The following SORBS2 variants were observed in gnomAD, a reference collection of about 807,000 sequenced individuals.
The protein encoded by SORBS2 is sorbin and SH3 domain-containing protein 2.
In SORBS2, 46 loss-of-function variants were observed where a neutral mutation model predicts 97.7. That is an observed-to-expected ratio of 0.47 (90% confidence interval 0.37 to 0.60). The LOEUF (loss-of-function observed/expected upper bound fraction) is 0.60. SORBS2 is among the 20% of genes least tolerant of loss of function. The pLI, the probability that SORBS2 is intolerant of heterozygous loss-of-function variation, is 0.00. For synonymous variants in SORBS2, 476 were observed against 473.4 expected (o/e 1.01, Z -0.07); for missense variants, 1,316 against 1,282.3 (o/e 1.03, Z -0.40).
At chr4:185,853,014 G>A (rs1442232530) in intron 1 of SORBS2, among the ~76,000 whole-genome samples, 2 of 152,154 alleles carry the variant, frequency 1.3e-5, no homozygotes. Context: ...AGTGATGGGA[G>A]TGGGTTAGTG....
chr4:185,657,368 T>C (rs566482554), upstream of SORBS2: 34 of 1,435,496 alleles, frequency 2.4e-5, no homozygotes, highest in South Asian at 5.4e-4. Flanking sequence ...GGACAATCCG[T>C]CCTTTGTGGA....
chr4:185,611,386 T>G (rs866394312), intron 12 of SORBS2, among the ~76,000 whole-genome samples: 3 of 151,462 alleles, frequency 2.0e-5, no homozygotes, highest in African/African-American at 7.3e-5. Context: ...TGATTATATT[T>G]ATTTATATGT....
chr4:185,618,021 C>G (rs1310318969), intron 9 of SORBS2, among the ~76,000 whole-genome samples: 3 of 152,192 alleles, frequency 2.0e-5, no homozygotes. Context: ...GTTGCCCAGG[C>G]TAGAGTGCAG....
chr4:185,730,227 C>A (rs2098605073), intron 2 of SORBS2, among the ~76,000 whole-genome samples: 1 of 151,230 alleles, frequency 6.6e-6, no homozygotes, highest in Admixed American at 6.6e-5. Flanking sequence ...GAAAAATATT[C>A]TCCAAACAAT....
At chr4:185,915,146 A>G (rs187724643) in intron 1 of SORBS2, among the ~76,000 whole-genome samples, 2 of 152,338 alleles carry the variant, frequency 1.3e-5, no homozygotes, top group East Asian at 1.9e-4. Context: ...TGTTATTTTA[A>G]AACTTTTTTC....
intron 1 of SORBS2, among the ~76,000 whole-genome samples, chr4:185,954,844 G>A (rs2099278867): frequency 6.6e-6 from 1 of 152,124 alleles, no homozygotes; most frequent in South Asian, 2.1e-4. Flanking sequence ...TGTAATCCCA[G>A]CTACTCAGGA....
chr4:185,700,309 G>C (rs371193177), intron 2 of SORBS2, among the ~76,000 whole-genome samples: 1 of 151,212 alleles, frequency 6.6e-6, no homozygotes, highest in South Asian at 2.1e-4. Context: ...GCGTGAGTCA[G>C]GCTGGCATGA....
chr4:185,908,067 A>G (rs2099252118), intron 1 of SORBS2, among the ~76,000 whole-genome samples: 1 of 151,818 alleles, frequency 6.6e-6, no homozygotes, highest in African/African-American at 2.4e-5. Context: ...CACCACTACC[A>G]TGCACATTCT....
chr4:185,796,474 C>T (rs13126944), intron 1 of SORBS2, among the ~76,000 whole-genome samples: 61,161 of 114,200 alleles, frequency 0.54, 15,558 homozygotes, highest in East Asian at 0.64. Context: ...GGCCACGCTG[C>T]TCCCTGGTCA....
intron 12 of SORBS2, among the ~76,000 whole-genome samples, chr4:185,611,116 C>T (rs1242770983): frequency 1.3e-5 from 2 of 151,990 alleles, no homozygotes; most frequent in African/African-American, 4.8e-5. Flanking sequence ...TATAACTGTC[C>T]TAAAACTGAT....
chr4:185,898,569 G>T (rs1302828798), intron 1 of SORBS2, among the ~76,000 whole-genome samples: 1 of 152,188 alleles, frequency 6.6e-6, no homozygotes, highest in African/African-American at 2.4e-5. Context: ...TCAGTAACGG[G>T]TGGCAAAATA....
intron 1 of SORBS2, among the ~76,000 whole-genome samples, chr4:185,900,597 G>C (rs1183823162): frequency 1.3e-5 from 2 of 152,032 alleles, no homozygotes; most frequent in African/African-American, 2.4e-5. Flanking sequence ...TATATAGAGA[G>C]AGAAAAAAAA....
intron 1 of SORBS2, among the ~76,000 whole-genome samples, chr4:185,853,389 G>A (rs923081467): frequency 3.3e-5 from 5 of 152,164 alleles, no homozygotes; most frequent in South Asian, 2.1e-4. Context: ...GCATGATCTC[G>A]GCTTCTTCTA....
At chr4:185,876,100 T>C (rs982223614) in intron 1 of SORBS2, among the ~76,000 whole-genome samples, 4 of 145,912 alleles carry the variant, frequency 2.7e-5, no homozygotes, top group Admixed American at 7.1e-5. Flanking sequence ...TTGCAAGCTT[T>C]AGGATTTAAA....
At position 185,678,565 on chromosome 4, in the gene SORBS2, C is replaced by T; in HGVS notation, c.-170-18G>A. 3 of 1,508,542 alleles carry T rather than the reference C, an allele frequency of 2.0e-6. No individual in the cohort carries two copies. Among genetic ancestry groups the T allele is most frequent in the Non-Finnish European group, 2.7e-6 (3 of 1,130,844 alleles). 93.4% of individuals were successfully genotyped at this position (1,508,542 alleles called of 1,614,324 possible). On this transcript the variant is annotated intron_variant, in intron 3 of 20. Coordinates refer to the SORBS2 transcript ENST00000284776. ...TCTCCAAGCTTTCATTAAGGGAAAACAATTGGATACAAAAATATCTACGTT... is the reference window on the plus strand; with the variant it reads ...TCTCCAAGCTTTCATTAAGGGAAAATAATTGGATACAAAAATATCTACGTT...
rs553161070 is a variant in SORBS2, at chr4:185,901,011, C to A, written c.-338+55185G>T. Among the ~76,000 whole-genome samples the A allele has an allele frequency of 5.9e-5, 9 of 152,308 alleles. No individual in the cohort carries two copies. The South Asian group carries it at 1.9e-3, about 32-fold the overall frequency. ...CATTTGCAATCTCAATTGCATGAAA[C>A]AAGGTAGATAAACTAGGTTGCATTT... is the stretch of plus-strand genomic sequence containing the variant. On this transcript the variant is annotated intron_variant, in intron 1 of 20. Coordinates refer to the SORBS2 transcript ENST00000284776.
chr4:185,951,009 T>C (rs950484138), intron 1 of SORBS2, among the ~76,000 whole-genome samples: 1 of 152,202 alleles, frequency 6.6e-6, no homozygotes, highest in Admixed American at 6.5e-5. Flanking sequence ...GAATGTAAGA[T>C]GGATTGATTC....
intron 1 of SORBS2, among the ~76,000 whole-genome samples, chr4:185,836,769 T>C (rs1486692716): frequency 6.6e-6 from 1 of 152,234 alleles, no homozygotes; most frequent in Admixed American, 6.5e-5. Context: ...CCACATTATT[T>C]ATAGAAAAAT....
chr4:185,848,842 T>C (rs1051968348), intron 1 of SORBS2, among the ~76,000 whole-genome samples: 3 of 151,962 alleles, frequency 2.0e-5, no homozygotes, highest in Non-Finnish European at 4.4e-5. Flanking sequence ...TTCAGTACTG[T>C]TTCATTTCTA....
Sources: gnomAD v4.1 joint callset for allele counts (sites outside exome capture counted in the v4.1 genomes callset) on GRCh38, gnomAD v4.1.1 for gene constraint, MANE v1.5 for transcripts, NCBI Gene and HGNC (gene_info 2026-07-23, HGNC 2026-07-21) for gene names.